The following LAMC3 variants were observed in gnomAD, a reference collection of about 807,000 sequenced individuals.
The protein encoded by LAMC3 is laminin subunit gamma 3, also known as laminin subunit gamma-3.
LAMC3 carries 128 observed loss-of-function variants against 173.8 expected under a neutral mutation model. The observed-to-expected ratio is 0.74, with a 90% confidence interval of 0.64 to 0.85. The LOEUF is 0.85. Among genes scored for constraint, LAMC3 ranks in the 40% least tolerant of loss-of-function variants. LAMC3 has a pLI of 0.00. For missense variants in LAMC3, 2,022 were observed against 2,156.0 expected, an observed-to-expected ratio of 0.94 and a Z score of 1.23; for synonymous variants, 897 against 909.1, an observed-to-expected ratio of 0.99 and a Z score of 0.24.
At chr9:131,077,493 G>A (rs552490103) in intron 22 of LAMC3, among the ~76,000 whole-genome samples, 159 bp downstream of exon 22, 2 of 151,706 alleles carry the variant, frequency 1.3e-5, no homozygotes, top group African/African-American at 2.4e-5. Flanking sequence ...CTGGGCCAAC[G>A]TAGTGAAACC....
intron 8 of LAMC3, among the ~76,000 whole-genome samples, chr9:131,047,350 A>T (rs1166497728): frequency 4.0e-5 from 6 of 151,296 alleles, no homozygotes; most frequent in Middle Eastern, 3.4e-3. Context: ...TTTTTAGTAC[A>T]GGTCGGGGGT....
intron 4 of LAMC3, among the ~76,000 whole-genome samples, chr9:131,036,847 C>G (rs187102141): frequency 3.3e-5 from 5 of 152,354 alleles, no homozygotes; most frequent in Admixed American, 3.3e-4. Context: ...CCACTGACTT[C>G]CCTTCTGGCT....
At chr9:131,044,208 G>A (rs1039603669) in intron 7 of LAMC3, among the ~76,000 whole-genome samples, 5 of 151,160 alleles carry the variant, frequency 3.3e-5, no homozygotes, top group South Asian at 2.1e-4. Flanking sequence ...CACCCACCTC[G>A]GCCTCCCAAA....
intron 24 of LAMC3, among the ~76,000 whole-genome samples, chr9:131,083,420 C>T (rs538339920): frequency 6.6e-6 from 1 of 152,156 alleles, no homozygotes; most frequent in Non-Finnish European, 1.5e-5. Flanking sequence ...TGGCTGTGCT[C>T]AGTTGGTGTT....
intron 1 of LAMC3, among the ~76,000 whole-genome samples, chr9:131,016,442 G>A (rs530211175): frequency 3.9e-5 from 6 of 152,224 alleles, no homozygotes; most frequent in Non-Finnish European, 7.3e-5. Context: ...TGTCAGCCCC[G>A]TGGGAAGGCA....
In LAMC3 at chr9:131,085,713, A is replaced by G. The variant is rs765929587; in HGVS notation, c.4220A>G (p.Asp1407Gly). Residue 1407 changes from aspartate (D) to glycine (G), a missense_variant, in exon 25 of 28, where the codon GAC (aspartate) becomes GGC (glycine). Transcript: ENST00000361069. ...KGREAEVLAKDSAKLAKALLR... is the reference protein window; with the variant it reads ...KGREAEVLAKGSAKLAKALLR... ...AGAGAAGCAGAGGTGTTGGCCAAGGACAGTGCCAAGGTCAGGGTGGTGGCT... is the reference window on the plus strand; with the variant it reads ...AGAGAAGCAGAGGTGTTGGCCAAGGGCAGTGCCAAGGTCAGGGTGGTGGCT... 3.7e-6 allele frequency: 6 copies of G among 1,614,054 alleles called. No homozygotes were observed. The highest frequency in any genetic ancestry group is 5.1e-6 in the Non-Finnish European group (6 of 1,180,030).
chr9:131,048,277 G>A (rs112829282), intron 8 of LAMC3, among the ~76,000 whole-genome samples: 29 of 152,048 alleles, frequency 1.9e-4, no homozygotes, highest in African/African-American at 6.5e-4. Flanking sequence ...GGCTGGTCTC[G>A]AACTTCTGAC....
rs912803624 is a variant in LAMC3 at position 131,026,153 on chromosome 9, G to A, written c.374-132G>A. 13 of 1,535,350 alleles carry A rather than the reference G, an allele frequency of 8.5e-6. No homozygotes were observed. In the East Asian group the frequency reaches 2.5e-4, roughly 29 times the overall value. On this transcript the variant is annotated intron_variant, in intron 1 of 27. Coordinates refer to ENST00000361069, the MANE Select transcript of LAMC3 (RefSeq NM_006059.4). This position sits in a 1 kb window ranked among gnomAD's most constrained non-coding sequence, Gnocchi z 4.8. Reference sequence around the variant, plus strand: ...TCATGAATGGAGGGTGGCTTCCCCTGTCCAGAGCTCCAGACAGCTTCCAGC... The same window carrying A: ...TCATGAATGGAGGGTGGCTTCCCCTATCCAGAGCTCCAGACAGCTTCCAGC...
At chr9:131,073,388 C>A in intron 20 of LAMC3, 67 bp downstream of exon 20, 1 of 1,208,438 alleles carries the variant, frequency 8.3e-7, no homozygotes, top group Non-Finnish European at 1.2e-6. Flanking sequence ...TCAGAGTCAG[C>A]CCCACAGGTG....
chr9:131,084,639 G>A lies in LAMC3; in HGVS notation c.4031-885G>A, dbSNP rs150930803. ...CCTCTGGGTGTGGTGGCTCACACCC[G>A]TAATCCCAGCACTTTGGGAAGCCAA... is the stretch of plus-strand genomic sequence containing the variant. On this transcript the variant is annotated intron_variant, in intron 24 of 27. Transcript: ENST00000361069. 1.4e-4 allele frequency among the ~76,000 whole-genome samples: 22 copies of A among 152,134 alleles called. No homozygotes were observed. In the East Asian group the frequency reaches 1.5e-3, roughly 11 times the overall value.
intron 9 of LAMC3, among the ~76,000 whole-genome samples, chr9:131,051,178 C>A (rs967747621): frequency 9.2e-5 from 14 of 152,136 alleles, no homozygotes; most frequent in Admixed American, 8.5e-4. Flanking sequence ...ATCCCACCCC[C>A]CCAGTTCCCA....
intron 6 of LAMC3, among the ~76,000 whole-genome samples, chr9:131,039,942 C>T (rs1834017281): frequency 6.6e-6 from 1 of 150,732 alleles, no homozygotes; most frequent in South Asian, 2.1e-4. Flanking sequence ...TTTGCCATCA[C>T]TTGATTGAGA....
At chr9:131,060,609 C>T (rs573163974) in intron 12 of LAMC3, among the ~76,000 whole-genome samples, 1 of 151,648 alleles carries the variant, frequency 6.6e-6, no homozygotes, top group Non-Finnish European at 1.5e-5. Context: ...CACCACTGCA[C>T]TCCAGCCTGG....
intron 3 of LAMC3, among the ~76,000 whole-genome samples, 185 bp from the exon 4 acceptor site, chr9:131,035,981 A>G (rs1833936113): frequency 1.3e-5 from 2 of 152,118 alleles, no homozygotes; most frequent in African/African-American, 4.8e-5. Context: ...TTTGTTCCAG[A>G]GCTCACCAGT....
chr9:131,064,429 T>C (rs547108139), intron 13 of LAMC3, among the ~76,000 whole-genome samples: 122 of 152,262 alleles, frequency 8.0e-4, no homozygotes, highest in African/African-American at 2.7e-3. Context: ...TTTGGGAGGC[T>C]GAGGCGGGCA....
intron 12 of LAMC3, among the ~76,000 whole-genome samples, chr9:131,060,414 C>T (rs866318056): frequency 5.9e-5 from 9 of 152,056 alleles, no homozygotes; most frequent in South Asian, 2.1e-4. Context: ...AAGGCTGAGG[C>T]GGGCAAATCG....
At chr9:131,023,050 C>T (rs189019906) in intron 1 of LAMC3, among the ~76,000 whole-genome samples, 1 of 152,306 alleles carries the variant, frequency 6.6e-6, no homozygotes, top group East Asian at 1.9e-4. Context: ...GTGATTTTAG[C>T]TTCTGCCACT....
intron 8 of LAMC3, 29 bp from the exon 9 acceptor site, chr9:131,048,991 A>T: frequency 6.9e-7 from 1 of 1,443,458 alleles, no homozygotes. Flanking sequence ...CCTCACACTG[A>T]TCGGGGGGTG....
rs1834235231 is a variant in LAMC3, at chr9:131,049,131, G to T, written c.1630+1G>T. On this transcript the variant is annotated splice_donor_variant, in intron 9 of 27. Coordinates refer to ENST00000361069, the MANE Select transcript of LAMC3 (RefSeq NM_006059.4). LOFTEE classifies it high-confidence loss of function. Reference sequence around the variant, plus strand: ...GACGAGGAGGAGCTCACAGCACCAGGTACCTCCAGCACCAGGTGGGGGCTG... The same window carrying T: ...GACGAGGAGGAGCTCACAGCACCAGTTACCTCCAGCACCAGGTGGGGGCTG... 6.5e-7 allele frequency: 1 copy of T among 1,539,174 alleles called. No homozygotes were observed. The highest frequency in any genetic ancestry group is 1.4e-5 in the African/African-American group (1 of 72,782).
Sources: gnomAD v4.1 joint callset for allele counts (sites outside exome capture counted in the v4.1 genomes callset) on GRCh38, gnomAD v4.1.1 for gene constraint, Gnocchi (gnomAD v3.1) non-coding constraint, MANE v1.5 for transcripts, NCBI Gene and HGNC (gene_info 2026-07-23, HGNC 2026-07-21) for gene names.